The following FOXO1 variants were observed in gnomAD, a reference collection of about 807,000 sequenced individuals.
FOXO1 encodes forkhead box protein O1.
FOXO1 carries 6 observed loss-of-function variants against 44.1 expected under a neutral mutation model. The ratio of observed to expected loss-of-function variants is 0.14; its 90% CI spans 0.07 to 0.27. FOXO1 has a LOEUF of 0.27. Among genes scored for constraint, FOXO1 ranks in the 10% least tolerant of loss-of-function variants. The pLI is 1.00. For missense variants in FOXO1, 737 were observed against 888.8 expected (o/e 0.83, Z 2.17); for synonymous variants, 380 against 362.7 (o/e 1.05, Z -0.54).
At chr13:40,563,109 C>A (rs1874104632) in intron 1 of FOXO1, among the ~76,000 whole-genome samples, 1 of 152,208 alleles carries the variant, frequency 6.6e-6, no homozygotes, top group African/African-American at 2.4e-5. Context: ...CTCTGCGGCC[C>A]CTCTTCTCAA....
intron 1 of FOXO1, among the ~76,000 whole-genome samples, chr13:40,648,963 T>TGCA (rs1348736610): frequency 5.3e-5 from 8 of 152,238 alleles, no homozygotes; most frequent in African/African-American, 1.9e-4. Context: ...ATGTGCCTTG[T>TGCA]GCAGGTCTGC....
intron 1 of FOXO1, chr13:40,619,590 T>TACAA: frequency 6.7e-7 from 1 of 1,499,792 alleles, no homozygotes; most frequent in Non-Finnish European, 9.3e-7. Context: ...GAGATCATAT[T>TACAA]ACAAATAGGC....
chr13:40,622,785 C>A (rs1469798443), intron 1 of FOXO1, among the ~76,000 whole-genome samples: 1 of 152,138 alleles, frequency 6.6e-6, no homozygotes. Context: ...TCCTCAGATT[C>A]CAATCCCCTA....
At chr13:40,578,816 T>A (rs981968783) in intron 1 of FOXO1, among the ~76,000 whole-genome samples, 1 of 152,238 alleles carries the variant, frequency 6.6e-6, no homozygotes, top group African/African-American at 2.4e-5. Context: ...AGCAAAACTG[T>A]TCCCTTAGAC....
chr13:40,581,079 T>C (rs529009187), intron 1 of FOXO1, among the ~76,000 whole-genome samples: 8 of 152,352 alleles, frequency 5.3e-5, no homozygotes, highest in East Asian at 3.9e-4. Flanking sequence ...AATGAAATGC[T>C]TGGGCACTTT....
intron 1 of FOXO1, chr13:40,619,925 C>CA: frequency 1.5e-6 from 1 of 681,982 alleles, no homozygotes; most frequent in South Asian, 1.6e-5. Flanking sequence ...GTGAGAAATA[C>CA]AAACCAAAGA....
At chr13:40,627,675 A>C (rs915790412) in intron 1 of FOXO1, among the ~76,000 whole-genome samples, 2 of 152,012 alleles carry the variant, frequency 1.3e-5, no homozygotes, top group East Asian at 3.9e-4. Flanking sequence ...TCTACTAAAA[A>C]CACCAAAATT....
At chr13:40,599,749 A>G (rs560109933) in intron 1 of FOXO1, among the ~76,000 whole-genome samples, 80 of 152,284 alleles carry the variant, frequency 5.3e-4, no homozygotes, top group Non-Finnish European at 1.0e-3. Flanking sequence ...ATCTGTAGGA[A>G]AGGAAGCTGG....
rs544911766 is a variant in FOXO1, at chr13:40,557,396, G to C, written c.*1653C>G. The C allele has an allele frequency of 2.0e-5, 3 of 152,214 alleles. No individual in the cohort carries two copies. The highest frequency in any genetic ancestry group is 7.2e-5 in the African/African-American group (3 of 41,438). The allele number at this position is 152,214 out of a possible 1,614,324, so 9.4% of individuals were successfully genotyped here. A position where few individuals can be genotyped will look rare whatever the true frequency, so the allele number is the denominator to read the frequency against. ...AGGAATTACAGTTTAGGTTGCTACA[G>C]GCTAAAGAAATTTTCAAATTCTTAA... is the stretch of plus-strand genomic sequence containing the variant. On this transcript the variant is annotated 3_prime_UTR_variant, in exon 3 of 3. Coordinates refer to ENST00000379561, the MANE Select transcript of FOXO1 (RefSeq NM_002015.4).
At chr13:40,614,821 TA>T (rs1340434288) in intron 1 of FOXO1, among the ~76,000 whole-genome samples, 1 of 152,252 alleles carries the variant, frequency 6.6e-6, no homozygotes, top group African/African-American at 2.4e-5. Flanking sequence ...CCGCTGGATT[TA>T]AACTGTGTAT....
chr13:40,585,340 C>CGA (rs1875119131), intron 1 of FOXO1, among the ~76,000 whole-genome samples: 1 of 123,732 alleles, frequency 8.1e-6, no homozygotes, highest in Admixed American at 8.1e-5. Context: ...CCTCTGCGCG[C>CGA]GCGCACACAC....
chr13:40,627,538 C>A (rs1424365898), intron 1 of FOXO1, among the ~76,000 whole-genome samples: 1 of 151,958 alleles, frequency 6.6e-6, no homozygotes, highest in African/African-American at 2.4e-5. Context: ...ACTGTATTAA[C>A]AATAACTTTC....
At chr13:40,567,214 T>C (rs1240792871) in intron 1 of FOXO1, among the ~76,000 whole-genome samples, 1 of 152,090 alleles carries the variant, frequency 6.6e-6, no homozygotes, top group Non-Finnish European at 1.5e-5. Flanking sequence ...CCCTGGTCTT[T>C]ATATTTAACC....
At chr13:40,569,924 T>G (rs1272903632) in intron 1 of FOXO1, among the ~76,000 whole-genome samples, 1 of 152,146 alleles carries the variant, frequency 6.6e-6, no homozygotes, top group African/African-American at 2.4e-5. Context: ...TGACAAATTA[T>G]ATCCAGGATG....
intron 1 of FOXO1, among the ~76,000 whole-genome samples, chr13:40,582,710 C>A (rs1247981922): frequency 1.3e-5 from 2 of 152,222 alleles, no homozygotes; most frequent in African/African-American, 2.4e-5. Flanking sequence ...AATTCAATCA[C>A]ATCTTCAGGC....
At chr13:40,564,870 T>A (rs1874201534) in intron 1 of FOXO1, among the ~76,000 whole-genome samples, 1 of 148,240 alleles carries the variant, frequency 6.7e-6, no homozygotes, top group African/African-American at 2.4e-5. Flanking sequence ...ATCTGCCATC[T>A]GCATGCCTGG....
chr13:40,628,356 T>C (rs1000403904), intron 1 of FOXO1, among the ~76,000 whole-genome samples: 1 of 145,202 alleles, frequency 6.9e-6, no homozygotes, highest in Non-Finnish European at 1.5e-5. Context: ...AAGAGCTGTT[T>C]ACACACACAC....
intron 1 of FOXO1, among the ~76,000 whole-genome samples, chr13:40,588,034 T>G (rs772542680): frequency 6.6e-6 from 1 of 152,192 alleles, no homozygotes; most frequent in Non-Finnish European, 1.5e-5. Flanking sequence ...TGCATTATGC[T>G]CCATATCCTC....
chr13:40,615,256 GC>G (rs1876380184), intron 1 of FOXO1, among the ~76,000 whole-genome samples: 1 of 152,156 alleles, frequency 6.6e-6, no homozygotes, highest in Non-Finnish European at 1.5e-5. Flanking sequence ...AGCAGAGGGG[GC>G]CAGACGCAGT....
Sources: allele counts gnomAD v4.1 joint callset (sites outside exome capture counted in the v4.1 genomes callset), GRCh38; gene constraint gnomAD v4.1.1; transcripts MANE v1.5; gene names NCBI Gene and HGNC (gene_info 2026-07-23, HGNC 2026-07-21).